KCNK13: variants seen among roughly 807,000 people sequenced by gnomAD.
The protein encoded by KCNK13 is potassium two pore domain channel subfamily K member 13.
A neutral mutation model predicts 23.4 loss-of-function variants in KCNK13; 12 were observed. The ratio of observed to expected loss-of-function variants is 0.51; its 90% CI spans 0.33 to 0.83. KCNK13 has a LOEUF of 0.83. KCNK13 is among the 40% of genes least tolerant of loss of function. KCNK13 has a pLI of 0.02. For missense variants in KCNK13, 463 were observed against 556.3 expected, an observed-to-expected ratio of 0.83 and a Z score of 1.69; for synonymous variants, 231 against 229.5, an observed-to-expected ratio of 1.01 and a Z score of -0.06.
chr14:90,094,212 C>T (rs190651245), intron 1 of KCNK13, among the ~76,000 whole-genome samples: 100 of 152,254 alleles, frequency 6.6e-4, no homozygotes, highest in African/African-American at 2.3e-3. Flanking sequence ...AACTACATCC[C>T]ATCTGCTTTG....
intron 1 of KCNK13, among the ~76,000 whole-genome samples, chr14:90,162,865 A>G (rs1890265675): frequency 6.6e-6 from 1 of 152,226 alleles, no homozygotes; most frequent in Non-Finnish European, 1.5e-5. Flanking sequence ...TATTTGCAAC[A>G]TATATAGAAG....
chr14:90,070,864 C>A (rs542635086), intron 1 of KCNK13, among the ~76,000 whole-genome samples: 41 of 152,302 alleles, frequency 2.7e-4, no homozygotes, highest in African/African-American at 9.9e-4. Flanking sequence ...CTTACCTCCA[C>A]TCAGGATAGG....
At chr14:90,150,630 A>G (rs906471855) in intron 1 of KCNK13, among the ~76,000 whole-genome samples, 2 of 152,196 alleles carry the variant, frequency 1.3e-5, no homozygotes, top group Non-Finnish European at 2.9e-5. Flanking sequence ...TCAGGTGTAC[A>G]TGCTAACAGG....
intron 1 of KCNK13, among the ~76,000 whole-genome samples, chr14:90,087,759 G>A (rs1472979665): frequency 1.3e-5 from 2 of 152,118 alleles, no homozygotes; most frequent in African/African-American, 2.4e-5. Flanking sequence ...CAAGCATTTG[G>A]AAATGTCCTA....
At chr14:90,168,818 TAATC>T (rs1890333368) in intron 1 of KCNK13, among the ~76,000 whole-genome samples, 1 of 152,212 alleles carries the variant, frequency 6.6e-6, no homozygotes, top group African/African-American at 2.4e-5. Context: ...TGAATTGTAA[TAATC>T]CCCACGTGTT....
intron 1 of KCNK13, among the ~76,000 whole-genome samples, chr14:90,176,585 TG>T (rs1241650532): frequency 6.6e-6 from 1 of 152,146 alleles, no homozygotes; most frequent in Non-Finnish European, 1.5e-5. Context: ...TCAAAAAGAT[TG>T]TGGGAAAGTA....
chr14:90,122,405 C>T (rs1434720184), intron 1 of KCNK13, among the ~76,000 whole-genome samples: 1 of 151,910 alleles, frequency 6.6e-6, no homozygotes, highest in Non-Finnish European at 1.5e-5. Flanking sequence ...GCCACCTCCA[C>T]CTCCTGGGTT....
intron 1 of KCNK13, among the ~76,000 whole-genome samples, chr14:90,118,317 C>G (rs575461939): frequency 8.2e-4 from 125 of 152,270 alleles, no homozygotes; most frequent in Non-Finnish European, 1.4e-3. Flanking sequence ...GGATCCAACC[C>G]ACGTTTGTTT....
chr14:90,156,287 CAG>C (rs1237781837), intron 1 of KCNK13, among the ~76,000 whole-genome samples: 3 of 150,726 alleles, frequency 2.0e-5, no homozygotes, highest in Admixed American at 6.6e-5. Flanking sequence ...AGGGAACGAA[CAG>C]AGAGAGTGGA....
At chr14:90,116,522 C>A (rs1051687735) in intron 1 of KCNK13, among the ~76,000 whole-genome samples, 1 of 152,246 alleles carries the variant, frequency 6.6e-6, no homozygotes, top group Admixed American at 6.5e-5. Context: ...TGAGGGCTGT[C>A]AAGCAGCAAG....
At chr14:90,120,566 T>G (rs1336090993) in intron 1 of KCNK13, among the ~76,000 whole-genome samples, 1 of 152,164 alleles carries the variant, frequency 6.6e-6, no homozygotes, top group Non-Finnish European at 1.5e-5. Flanking sequence ...GTCAGACGCT[T>G]ATAAAACCAT....
At chr14:90,178,231 CAAAAAAAAA>C (rs34726346) in intron 1 of KCNK13, among the ~76,000 whole-genome samples, 4 of 75,072 alleles carry the variant, frequency 5.3e-5, no homozygotes, top group South Asian at 6.0e-4. Flanking sequence ...TTCCTAAAAG[CAAAAAAAAA>C]AAAAAAAAAA....
intron 1 of KCNK13, among the ~76,000 whole-genome samples, chr14:90,066,510 G>A (rs977375980): frequency 2.6e-5 from 4 of 151,292 alleles, no homozygotes; most frequent in African/African-American, 9.7e-5. Flanking sequence ...CAAGTGATCC[G>A]CCCACCTCAG....
At chr14:90,138,485 G>A (rs1889964448) in intron 1 of KCNK13, among the ~76,000 whole-genome samples, 1 of 152,266 alleles carries the variant, frequency 6.6e-6, no homozygotes, top group African/African-American at 2.4e-5. Flanking sequence ...CTGTCACACA[G>A]TTAGGACTCA....
chr14:90,090,357 A>G (rs1435573426), intron 1 of KCNK13, among the ~76,000 whole-genome samples: 2 of 152,232 alleles, frequency 1.3e-5, no homozygotes, highest in Non-Finnish European at 2.9e-5. Context: ...TCAGACTTGC[A>G]TGGGGCCTGT....
At chr14:90,076,514 C>A (rs1298246665) in intron 1 of KCNK13, among the ~76,000 whole-genome samples, 8 of 152,192 alleles carry the variant, frequency 5.3e-5, no homozygotes, top group African/African-American at 1.9e-4. Context: ...GTCAGATTGT[C>A]CCCCAACCCC....
chr14:90,092,763 A>G (rs1889363448), intron 1 of KCNK13, among the ~76,000 whole-genome samples: 1 of 151,984 alleles, frequency 6.6e-6, no homozygotes, highest in South Asian at 2.1e-4. Flanking sequence ...AAACTAAAAA[A>G]TTAGCTGGGC....
intron 1 of KCNK13, among the ~76,000 whole-genome samples, chr14:90,119,749 A>C (rs555397949): frequency 6.6e-6 from 1 of 152,168 alleles, no homozygotes; most frequent in South Asian, 2.1e-4. Context: ...ACAGGCACCC[A>C]ACACCACGCC....
chr14:90,177,008 G>T (rs916076176), intron 1 of KCNK13, among the ~76,000 whole-genome samples: 1 of 151,930 alleles, frequency 6.6e-6, no homozygotes, highest in Non-Finnish European at 1.5e-5. Flanking sequence ...GACAGAGCGG[G>T]ACTCCATCTC....
Sources: allele counts gnomAD v4.1 joint callset (sites outside exome capture counted in the v4.1 genomes callset), GRCh38; gene constraint gnomAD v4.1.1; transcripts MANE v1.5; gene names NCBI Gene and HGNC (gene_info 2026-07-23, HGNC 2026-07-21).